KCNIP4: variants seen among roughly 807,000 people sequenced by gnomAD.
KCNIP4 encodes the protein Kv channel-interacting protein 4.
KCNIP4 carries 12 observed loss-of-function variants against 34.0 expected under a neutral mutation model. That is an observed-to-expected ratio of 0.35 (90% CI 0.23 to 0.57). KCNIP4 has a LOEUF of 0.57. Ranked by LOEUF, KCNIP4 falls within the 20% of genes least tolerant of loss-of-function variation. KCNIP4 has a pLI of 0.83. For synonymous variants in KCNIP4, 124 were observed against 102.2 expected (o/e 1.21, Z -1.29); for missense variants, 238 against 311.7 (o/e 0.76, Z 1.78).
intron 1 of KCNIP4, among the ~76,000 whole-genome samples, chr4:21,070,829 C>T (rs1043030196): frequency 1.3e-5 from 2 of 151,518 alleles, no homozygotes; most frequent in Non-Finnish European, 2.9e-5. Context: ...GCGCCGGCTA[C>T]CATGCACGGC....
At position 21,610,250 on chromosome 4, in the gene KCNIP4, G is replaced by A. The variant is rs116577931; in HGVS notation, c.61+338321C>T. On this transcript the variant is annotated intron_variant, in intron 1 of 8. Transcript: ENST00000382152. The stretch of plus-strand genomic sequence containing the variant: ...CTGGAGGCTAGACATCCAAAATCAA[G>A]ATGTCAGTGGGGTAGGTTACTTCTG... 2.8e-3 allele frequency among the ~76,000 whole-genome samples: 428 copies of A among 152,320 alleles called. 3 individuals are homozygous for A. The highest frequency in any genetic ancestry group is 9.8e-3 in the African/African-American group (408 of 41,578).
intron 1 of KCNIP4, among the ~76,000 whole-genome samples, chr4:21,882,012 C>G (rs754261056): frequency 5.3e-5 from 8 of 152,116 alleles, no homozygotes; most frequent in Non-Finnish European, 1.2e-4. Context: ...AAGGCTGGTT[C>G]CAATCAAAGG....
chr4:21,009,482 G>A (rs539890285), intron 1 of KCNIP4, among the ~76,000 whole-genome samples: 11 of 152,282 alleles, frequency 7.2e-5, no homozygotes, highest in African/African-American at 2.4e-4. Context: ...CAATTAAAAT[G>A]TATGGAGGGC....
intron 1 of KCNIP4, among the ~76,000 whole-genome samples, chr4:21,181,183 G>A (rs1054407635): frequency 3.9e-5 from 6 of 152,086 alleles, no homozygotes; most frequent in Non-Finnish European, 7.4e-5. Context: ...AGACATTTAA[G>A]CTGAGTCTTA....
chr4:21,638,525 T>G (rs906276488), intron 1 of KCNIP4, among the ~76,000 whole-genome samples: 12 of 152,190 alleles, frequency 7.9e-5, no homozygotes, highest in Non-Finnish European at 1.8e-4. Context: ...GTGGGAGCTC[T>G]ACCTTTACAA....
intron 5 of KCNIP4, among the ~76,000 whole-genome samples, chr4:20,747,967 G>A (rs1276929276): frequency 6.6e-6 from 1 of 152,064 alleles, no homozygotes; most frequent in African/African-American, 2.4e-5. Flanking sequence ...TACCAATTTT[G>A]TTTTAATTTC....
intron 1 of KCNIP4, among the ~76,000 whole-genome samples, chr4:21,648,826 G>A (rs1379446148): frequency 2.6e-5 from 4 of 152,014 alleles, no homozygotes; most frequent in Non-Finnish European, 5.9e-5. Context: ...TCTAGTAGAG[G>A]CCCCGCACAT....
intron 1 of KCNIP4, among the ~76,000 whole-genome samples, chr4:21,379,614 G>A (rs1224936887): frequency 6.6e-6 from 1 of 152,130 alleles, no homozygotes; most frequent in Non-Finnish European, 1.5e-5. Context: ...TATAGTCACA[G>A]CAGTGACATA....
intron 1 of KCNIP4, among the ~76,000 whole-genome samples, chr4:21,173,486 G>T (rs1754168418): frequency 6.6e-6 from 1 of 152,132 alleles, no homozygotes; most frequent in African/African-American, 2.4e-5. Context: ...GCTCCCTTCC[G>T]GGTGCGGTGA....
chr4:21,416,273 G>A lies in KCNIP4; in HGVS notation c.61+532298C>T, dbSNP rs552538998. 5.9e-4 allele frequency among the ~76,000 whole-genome samples: 90 copies of A among 152,152 alleles called. 1 individual carries two copies. The highest frequency in any genetic ancestry group is 1.1e-3 in the Non-Finnish European group (76 of 67,926). On this transcript the variant is annotated intron_variant, in intron 1 of 8. Transcript: ENST00000382152. ...CATAAGTGAAAATGGAATACACAAA[G>A]AGTTTCAAATTATGTGTAACTTGGT... is the stretch of plus-strand genomic sequence containing the variant.
In KCNIP4 at chr4:21,701,028, TA is replaced by T. The variant is rs1328349513; in HGVS notation, c.61+247542del. ...AAGTGTCCATCAACAAATGAATGAA[TA>T]AAAAAATGTGGTATATATACACATT... On this transcript the variant is annotated intron_variant, in intron 1 of 8. Transcript: ENST00000382152. 3.3e-5 allele frequency among the ~76,000 whole-genome samples: 5 copies of T among 152,052 alleles called. No homozygotes were observed. In the East Asian group the frequency reaches 7.7e-4, roughly 23 times the overall value.
intron 1 of KCNIP4, among the ~76,000 whole-genome samples, chr4:20,988,674 G>A (rs1411283037): frequency 6.6e-6 from 1 of 152,170 alleles, no homozygotes; most frequent in Non-Finnish European, 1.5e-5. Flanking sequence ...AACTAGTTAA[G>A]TCAAATTTAA....
intron 1 of KCNIP4, among the ~76,000 whole-genome samples, chr4:21,149,270 C>G (rs1298327881): frequency 6.6e-6 from 1 of 152,150 alleles, no homozygotes; most frequent in African/African-American, 2.4e-5. Flanking sequence ...TGTTAAAATA[C>G]TCCTATGTGC....
At chr4:21,462,746 A>G (rs1320428077) in intron 1 of KCNIP4, among the ~76,000 whole-genome samples, 1 of 148,474 alleles carries the variant, frequency 6.7e-6, no homozygotes, top group Non-Finnish European at 1.5e-5. Flanking sequence ...TTTATTCTTT[A>G]TGGCTAAATA....
At chr4:21,018,404 T>A (rs1337039930) in intron 1 of KCNIP4, among the ~76,000 whole-genome samples, 1 of 152,174 alleles carries the variant, frequency 6.6e-6, no homozygotes, top group Non-Finnish European at 1.5e-5. Flanking sequence ...TTGCAAACAT[T>A]CAAGTACAAG....
At chr4:21,787,331 T>G (rs764344776) in intron 1 of KCNIP4, among the ~76,000 whole-genome samples, 2 of 152,202 alleles carry the variant, frequency 1.3e-5, no homozygotes, top group Non-Finnish European at 2.9e-5. Flanking sequence ...GCATTTCAGT[T>G]AGTTCTTCTT....
intron 1 of KCNIP4, among the ~76,000 whole-genome samples, chr4:21,481,796 C>T (rs1244197775): frequency 6.6e-6 from 1 of 152,022 alleles, no homozygotes; most frequent in Admixed American, 6.6e-5. Flanking sequence ...TGCTTATGCA[C>T]ACATCTCAGA....
At chr4:21,392,757 A>G (rs1221213560) in intron 1 of KCNIP4, among the ~76,000 whole-genome samples, 1 of 152,254 alleles carries the variant, frequency 6.6e-6, no homozygotes, top group African/African-American at 2.4e-5. Context: ...TCTCATTATT[A>G]ACTTACAACA....
intron 1 of KCNIP4, among the ~76,000 whole-genome samples, chr4:21,590,494 C>A (rs531454092): frequency 2.0e-5 from 3 of 151,766 alleles, no homozygotes; most frequent in Middle Eastern, 6.8e-3. Context: ...GGTTGTATAT[C>A]CATGAAGCTG....
Sources: gnomAD v4.1 joint callset for allele counts (sites outside exome capture counted in the v4.1 genomes callset) on GRCh38, gnomAD v4.1.1 for gene constraint, MANE v1.5 for transcripts, NCBI Gene and HGNC (gene_info 2026-07-23, HGNC 2026-07-21) for gene names.